The following YWHAG variants were observed in gnomAD, a reference collection of about 807,000 sequenced individuals.
YWHAG encodes the protein 14-3-3 protein gamma.
A neutral mutation model predicts 23.3 loss-of-function variants in YWHAG; 1 was observed. That is an observed-to-expected ratio of 0.04 (90% CI 0.02 to 0.20). The LOEUF is 0.20. Among genes scored for constraint, YWHAG ranks in the 10% least tolerant of loss-of-function variants. YWHAG has a pLI of 1.00. For missense variants in YWHAG, 151 were observed against 338.6 expected, an observed-to-expected ratio of 0.45 and a Z score of 4.35; for synonymous variants, 160 against 144.0, an observed-to-expected ratio of 1.11 and a Z score of -0.80.
At chr7:76,354,607 T>C (rs538500269) in intron 1 of YWHAG, among the ~76,000 whole-genome samples, 1 of 152,280 alleles carries the variant, frequency 6.6e-6, no homozygotes. Context: ...AGTAACTACT[T>C]TTCCCATCCA....
chr7:76,330,198 T>C lies in YWHAG; in HGVS notation c.123A>G (p.Glu41=), dbSNP rs777725046. Residue 41 remains glutamate (E), a synonymous_variant, in exon 2 of 2, where the codon GAA becomes GAG. Coordinates refer to ENST00000307630, the MANE Select transcript of YWHAG (RefSeq NM_012479.4). The part of the protein sequence containing the change: ...TELNEPLSNE[E]RNLLSVAYKN... ...TGTAGGCCACAGACAGAAGGTTTCG[T>C]TCCTCATTCGACAGTGGCTCATTCA... is the stretch of plus-strand genomic sequence containing the variant. The C allele has an allele frequency of 1.9e-6, 3 of 1,611,740 alleles. No individual in the cohort carries two copies. In the South Asian group the frequency reaches 3.3e-5, roughly 18 times the overall value.
chr7:76,345,185 CTTTT>C (rs944242945), intron 1 of YWHAG, among the ~76,000 whole-genome samples: 3 of 132,242 alleles, frequency 2.3e-5, no homozygotes, highest in Non-Finnish European at 3.2e-5. Flanking sequence ...TATCCTAAGG[CTTTT>C]TTTTTTTTTT....
intron 1 of YWHAG, among the ~76,000 whole-genome samples, chr7:76,336,918 G>C (rs1022907178): frequency 1.3e-5 from 2 of 152,206 alleles, no homozygotes; most frequent in African/African-American, 2.4e-5. Flanking sequence ...GAAAGAATGA[G>C]ATGACCAAGT....
intron 1 of YWHAG, among the ~76,000 whole-genome samples, chr7:76,350,222 C>T (rs78541053): frequency 0.027 from 4,114 of 152,268 alleles, 198 homozygotes; most frequent in African/African-American, 0.093. Flanking sequence ...AATAAGCTGG[C>T]ATCGAGCCTA....
intron 1 of YWHAG, among the ~76,000 whole-genome samples, chr7:76,334,106 T>C (rs567631796): frequency 3.3e-4 from 51 of 152,314 alleles, no homozygotes; most frequent in Admixed American, 1.1e-3. Context: ...AAAACTAAGT[T>C]AGAGGGGAAA....
intron 1 of YWHAG, among the ~76,000 whole-genome samples, chr7:76,355,579 C>T (rs1359868340): frequency 6.6e-6 from 1 of 152,104 alleles, no homozygotes; most frequent in African/African-American, 2.4e-5. Flanking sequence ...GAAGAGTCTA[C>T]AGAGGTACCA....
chr7:76,358,940 G>C lies in YWHAG; in HGVS notation c.-132C>G. 1.3e-6 allele frequency: 1 copy of C among 792,932 alleles called. No individual in the cohort carries two copies. The highest frequency in any genetic ancestry group is 3.4e-5 in the East Asian group (1 of 29,848). 49.1% of individuals were successfully genotyped at this position (792,932 alleles called of 1,614,324 possible). A position where few individuals can be genotyped will look rare whatever the true frequency, so the allele number is the denominator to read the frequency against. On this transcript the variant is annotated 5_prime_UTR_variant, in exon 1 of 2. Transcript: ENST00000307630. ...AGCGAGCAGCTGAGGCGGCGGCTGC[G>C]CGGAGGAGGCGGCTGGAGCTGCGAC...
intron 1 of YWHAG, among the ~76,000 whole-genome samples, chr7:76,341,006 T>C (rs1471487990): frequency 6.6e-6 from 1 of 152,150 alleles, no homozygotes; most frequent in South Asian, 2.1e-4. Context: ...CCCAAGTAGC[T>C]GGGACTACAG....
In YWHAG at chr7:76,329,770, T is replaced by C. The variant is rs1330999969; in HGVS notation, c.551A>G (p.Tyr184Cys). ...GLALNYSVFY[Y>C]EIQNAPEQAC... ...TTGCTCTGGGGCGTTCTGGATCTCA[T>C]AGTAGAAGACGGAGTAGTTAAGAGC... Residue 184 changes from tyrosine to cysteine, a missense_variant, in exon 2 of 2, where the codon TAT (tyrosine) becomes TGT (cysteine). Coordinates refer to ENST00000307630, the MANE Select transcript of YWHAG (RefSeq NM_012479.4). This position sits in a 1 kb window ranked among gnomAD's most constrained non-coding sequence, Gnocchi z 6.1. The C allele has an allele frequency of 6.2e-7, 1 of 1,613,898 alleles. No individual in the cohort carries two copies. The highest frequency in any genetic ancestry group is 1.3e-5 in the African/African-American group (1 of 74,958).
At chr7:76,353,189 T>C (rs1803900218) in intron 1 of YWHAG, among the ~76,000 whole-genome samples, 1 of 152,088 alleles carries the variant, frequency 6.6e-6, no homozygotes, top group South Asian at 2.1e-4. Context: ...CTATTTACCT[T>C]AAAATTAAAG....
At chr7:76,342,694 T>A (rs1304917332) in intron 1 of YWHAG, among the ~76,000 whole-genome samples, 2 of 152,170 alleles carry the variant, frequency 1.3e-5, no homozygotes. Context: ...TGCTATTTAG[T>A]ATATCAGGCT....
chr7:76,337,813 G>A (rs753258879), intron 1 of YWHAG, among the ~76,000 whole-genome samples: 17 of 152,118 alleles, frequency 1.1e-4, no homozygotes, highest in Non-Finnish European at 1.8e-4. Flanking sequence ...TGGGATTACC[G>A]GCATGAGCCA....
At chr7:76,343,317 A>AT (rs1459547269) in intron 1 of YWHAG, among the ~76,000 whole-genome samples, 3 of 150,474 alleles carry the variant, frequency 2.0e-5, no homozygotes, top group African/African-American at 4.8e-5. Context: ...CCGAATGCAC[A>AT]TATTGTGGAA....
chr7:76,357,055 G>T (rs1275881570), intron 1 of YWHAG, among the ~76,000 whole-genome samples: 1 of 152,092 alleles, frequency 6.6e-6, no homozygotes, highest in Non-Finnish European at 1.5e-5. Context: ...AAGAAATATG[G>T]AAAAATTATA....
chr7:76,329,688 G>A lies in YWHAG; in HGVS notation c.633C>T (p.Leu211=), dbSNP rs778464365. ...TGGAGTCCTTGTAGGAGTCCTCGTT[G>A]AGGGTGTCAAGCTCGGCGATGGCGT... ...FDDAIAELDT[L]NEDSYKDSTL... is the part of the protein sequence containing the mutation. The change falls in exon 2 of 2, where the codon CTC becomes CTT. Residue 211 remains leucine (L), a synonymous_variant. Transcript: ENST00000307630. This position sits in a 1 kb window ranked among gnomAD's most constrained non-coding sequence, Gnocchi z 6.1. 1.5e-5 allele frequency: 25 copies of A among 1,614,152 alleles called. No individual in the cohort carries two copies. The highest frequency in any genetic ancestry group is 5.0e-5 in the Admixed American group (3 of 60,014).
chr7:76,357,886 T>C (rs1803984222), intron 1 of YWHAG, among the ~76,000 whole-genome samples: 1 of 152,126 alleles, frequency 6.6e-6, no homozygotes, highest in African/African-American at 2.4e-5. Context: ...GTGCCTGTAT[T>C]CAAAAAAGAA....
chr7:76,329,467 CT>C lies in YWHAG; in HGVS notation c.*109del. On this transcript the variant is annotated 3_prime_UTR_variant, in exon 2 of 2. Coordinates refer to ENST00000307630, the MANE Select transcript of YWHAG (RefSeq NM_012479.4). The surrounding 1 kb of genome is among the most constrained non-coding windows in gnomAD (Gnocchi z 6.1). Reference sequence around the variant, plus strand: ...GACAGGACAGGTCGTGGGTTTCTCCCTGGGAAGGTCATCCCTCCCTTTCCCT... The same window carrying C: ...GACAGGACAGGTCGTGGGTTTCTCCCGGGAAGGTCATCCCTCCCTTTCCCT... 7.5e-7 allele frequency: 1 copy of C among 1,328,668 alleles called. No homozygotes were observed. Among genetic ancestry groups the C allele is most frequent in the Non-Finnish European group, 1.0e-6 (1 of 995,040 alleles). The allele number at this position is 1,328,668 out of a possible 1,614,324, so 82.3% of individuals were successfully genotyped here. A position where few individuals can be genotyped will look rare whatever the true frequency, so the allele number is the denominator to read the frequency against.
intron 1 of YWHAG, among the ~76,000 whole-genome samples, chr7:76,341,429 A>AG (rs1343758743): frequency 1.3e-5 from 2 of 150,922 alleles, no homozygotes; most frequent in Admixed American, 6.6e-5. Context: ...AAAAAAAAAA[A>AG]AGAGAAATCT....
chr7:76,344,028 G>C (rs1803739841), intron 1 of YWHAG, among the ~76,000 whole-genome samples: 1 of 152,188 alleles, frequency 6.6e-6, no homozygotes, highest in Non-Finnish European at 1.5e-5. Context: ...TTCTCTGCAA[G>C]TGTTACTGTT....
Sources: gnomAD v4.1 joint callset for allele counts (sites outside exome capture counted in the v4.1 genomes callset) on GRCh38, gnomAD v4.1.1 for gene constraint, Gnocchi (gnomAD v3.1) non-coding constraint, MANE v1.5 for transcripts, NCBI Gene and HGNC (gene_info 2026-07-23, HGNC 2026-07-21) for gene names.